Variants in SYN3 observed in about 807,000 individuals in gnomAD.
The protein encoded by SYN3 is synapsin-3.
In SYN3, 35 loss-of-function variants were observed where a neutral mutation model predicts 65.8. The ratio of observed to expected loss-of-function variants is 0.53; its 90% confidence interval spans 0.41 to 0.70. The LOEUF (loss-of-function observed/expected upper bound fraction) is 0.70, where lower values mean the gene tolerates loss of function less well. Ranked by LOEUF, SYN3 falls within the 30% of genes least tolerant of loss-of-function variation. The probability of loss-of-function intolerance (pLI) is 0.00; values close to 1 mark genes in which losing one functional copy is unlikely to be tolerated. For synonymous variants in SYN3, 270 were observed against 292.9 expected, an observed-to-expected ratio of 0.92 and a Z score of 0.80; for missense variants, 680 against 749.0, an observed-to-expected ratio of 0.91 and a Z score of 1.08.
At position 32,897,964 on chromosome 22, in the gene SYN3, C is replaced by T. The variant is rs1284470325; in HGVS notation, c.462-28839G>A. The stretch of plus-strand genomic sequence containing the variant: ...CCTCCCAAGTAGCTAGGACTACAGG[C>T]ATGGGCCACCACACTCAGCTATTGT... On this transcript the variant is annotated intron_variant, in intron 4 of 13. Coordinates refer to ENST00000358763, the MANE Select transcript of SYN3 (RefSeq NM_003490.4). Among the ~76,000 whole-genome samples, 4 of 151,926 alleles carry T rather than the reference C, an allele frequency of 2.6e-5. No homozygotes were observed. The East Asian group carries it at 7.7e-4, about 29-fold the overall frequency.
intron 9 of SYN3, among the ~76,000 whole-genome samples, chr22:32,534,777 A>G (rs921555185): frequency 6.6e-6 from 1 of 152,114 alleles, no homozygotes; most frequent in Non-Finnish European, 1.5e-5. Flanking sequence ...TGGGATGAGG[A>G]GGGACTGTGA....
At chr22:32,535,249 G>A (rs2058144530) in intron 9 of SYN3, among the ~76,000 whole-genome samples, 1 of 152,142 alleles carries the variant, frequency 6.6e-6, no homozygotes, top group Non-Finnish European at 1.5e-5. Context: ...TGGGAGACCA[G>A]GGACCTACAT....
At chr22:32,602,438 T>TTTTTG (rs140839121) in intron 6 of SYN3, among the ~76,000 whole-genome samples, 10,546 of 151,194 alleles carry the variant, frequency 0.07, 1,216 homozygotes, top group African/African-American at 0.24. Flanking sequence ...TCCCGATAGT[T>TTTTTG]TTTTGTTTTG....
At chr22:32,730,113 A>G (rs1408871098) in intron 6 of SYN3, among the ~76,000 whole-genome samples, 2 of 152,354 alleles carry the variant, frequency 1.3e-5, no homozygotes, top group East Asian at 3.9e-4. Flanking sequence ...AGAGCACATC[A>G]GCACTATAGA....
At chr22:32,743,430 G>A (rs2044833012) in intron 6 of SYN3, among the ~76,000 whole-genome samples, 1 of 152,212 alleles carries the variant, frequency 6.6e-6, no homozygotes, top group Non-Finnish European at 1.5e-5. Flanking sequence ...AGGGGCAGTG[G>A]ACACAGAGGA....
intron 13 of SYN3, among the ~76,000 whole-genome samples, chr22:32,514,968 A>G (rs1041128162): frequency 6.6e-6 from 1 of 152,000 alleles, no homozygotes; most frequent in African/African-American, 2.4e-5. Context: ...GTGAGCCGAG[A>G]TGGCGCCACT....
intron 4 of SYN3, among the ~76,000 whole-genome samples, chr22:32,891,467 C>G (rs2049444305): frequency 6.6e-6 from 1 of 152,170 alleles, no homozygotes. Context: ...GAGTGATTCC[C>G]TCTTCTCTGT....
chr22:32,629,624 CA>C (rs930504284), intron 6 of SYN3: 1 of 152,222 alleles, frequency 6.6e-6, no homozygotes, highest in African/African-American at 2.4e-5. Context: ...TTGTCTTTCA[CA>C]GGTTTATTTA....
chr22:32,545,072 A>G (rs955103212), intron 7 of SYN3, among the ~76,000 whole-genome samples: 1 of 152,204 alleles, frequency 6.6e-6, no homozygotes, highest in African/African-American at 2.4e-5. Flanking sequence ...ATGAACTTCC[A>G]GGCTGTGCCG....
intron 3 of SYN3, among the ~76,000 whole-genome samples, chr22:32,968,502 C>T (rs1005607319): frequency 1.2e-4 from 19 of 152,204 alleles, no homozygotes; most frequent in African/African-American, 4.6e-4. Context: ...GGACACAATT[C>T]TTAGTTGCAT....
intron 6 of SYN3, among the ~76,000 whole-genome samples, chr22:32,689,337 G>A (rs1455522533): frequency 1.3e-5 from 2 of 152,170 alleles, no homozygotes; most frequent in Non-Finnish European, 2.9e-5. Flanking sequence ...CTAATGGCCG[G>A]GTGACTGTGG....
chr22:32,941,553 C>T (rs2050938645), intron 3 of SYN3, among the ~76,000 whole-genome samples: 1 of 150,694 alleles, frequency 6.6e-6, no homozygotes, highest in South Asian at 2.1e-4. Context: ...TCTGCATTTC[C>T]AACTGAGGTA....
intron 6 of SYN3, among the ~76,000 whole-genome samples, chr22:32,807,362 A>AAATATATATTATATAAT (rs1569239684): frequency 4.0e-4 from 2 of 4,980 alleles, no homozygotes; most frequent in Non-Finnish European, 8.2e-4. Flanking sequence ...TATAATATAT[A>AAATATATATTATATAAT]ATATATATTA....
Position 32,801,932 on chromosome 22 carries a change from C to T in SYN3, c.711+62983G>A. Reference sequence around the variant, plus strand: ...GCGAGCGAGCTCGGGCTGCAGCAGCCCCGCCGGCGGCGCGCACGGCAACTT... The same window carrying T: ...GCGAGCGAGCTCGGGCTGCAGCAGCTCCGCCGGCGGCGCGCACGGCAACTT... On this transcript the variant is annotated intron_variant, in intron 6 of 13. Transcript: ENST00000358763. The surrounding 1 kb of genome is among the most constrained non-coding windows in gnomAD (Gnocchi z 4.7). The T allele has an allele frequency of 2.0e-6, 3 of 1,513,306 alleles. No individual in the cohort carries two copies. Among genetic ancestry groups the T allele is most frequent in the Non-Finnish European group, 2.6e-6 (3 of 1,137,450 alleles). The allele number at this position is 1,513,306 out of a possible 1,614,324, so 93.7% of individuals were successfully genotyped here.
intron 7 of SYN3, among the ~76,000 whole-genome samples, chr22:32,594,943 C>T (rs1401300453): frequency 1.3e-5 from 2 of 152,312 alleles, no homozygotes; most frequent in East Asian, 1.9e-4. Flanking sequence ...CATTGTTTAA[C>T]TCCAGCTGTA....
At chr22:32,760,716 G>T (rs11089594) in intron 6 of SYN3, among the ~76,000 whole-genome samples, 1 of 152,098 alleles carries the variant, frequency 6.6e-6, no homozygotes, top group Non-Finnish European at 1.5e-5. Context: ...TCAGAGGGGC[G>T]GTGTAAAGAC....
At chr22:33,045,639 T>A (rs1002699991) in intron 1 of SYN3, among the ~76,000 whole-genome samples, 7 of 151,936 alleles carry the variant, frequency 4.6e-5, no homozygotes. Context: ...TTTGTTTGTA[T>A]TTTTAGTAGA....
chr22:32,706,206 A>G (rs575337436), intron 6 of SYN3, among the ~76,000 whole-genome samples: 6 of 152,198 alleles, frequency 3.9e-5, no homozygotes, highest in African/African-American at 7.2e-5. Context: ...TTTGTCATAG[A>G]TGGCTCTTAT....
intron 6 of SYN3, among the ~76,000 whole-genome samples, chr22:32,691,485 G>T (rs2060660757): frequency 6.6e-6 from 1 of 152,152 alleles, no homozygotes; most frequent in African/African-American, 2.4e-5. Context: ...TTTAGGTAAG[G>T]TCTTGCCTAA....
Sources: allele counts gnomAD v4.1 joint callset (sites outside exome capture counted in the v4.1 genomes callset), GRCh38; gene constraint gnomAD v4.1.1; non-coding constraint Gnocchi (gnomAD v3.1); transcripts MANE v1.5; gene names NCBI Gene and HGNC (gene_info 2026-07-23, HGNC 2026-07-21).